The following ITGA9 variants were observed in gnomAD, a reference collection of about 807,000 sequenced individuals.
ITGA9 encodes integrin alpha-9.
In ITGA9, 56 loss-of-function variants were observed where a neutral mutation model predicts 127.8. The ratio of observed to expected loss-of-function variants is 0.44; its 90% CI spans 0.35 to 0.55. The LOEUF (loss-of-function observed/expected upper bound fraction) is 0.55, where lower values mean the gene tolerates loss of function less well. Among genes scored for constraint, ITGA9 ranks in the 20% least tolerant of loss-of-function variants. The probability of loss-of-function intolerance (pLI) is 0.00; values close to 1 mark genes in which losing one functional copy is unlikely to be tolerated. For synonymous variants in ITGA9, 508 were observed against 514.5 expected, an observed-to-expected ratio of 0.99 and a Z score of 0.17; for missense variants, 1,196 against 1,347.1, an observed-to-expected ratio of 0.89 and a Z score of 1.76.
intron 15 of ITGA9, chr3:37,585,495 CT>C: frequency 4.4e-6 from 2 of 451,076 alleles, no homozygotes; most frequent in South Asian, 3.1e-5. Flanking sequence ...TAAGGTTTTA[CT>C]TTTCTTCTTT....
intron 10 of ITGA9, among the ~76,000 whole-genome samples, chr3:37,517,834 C>T (rs958903321): frequency 1.3e-5 from 2 of 152,246 alleles, no homozygotes; most frequent in African/African-American, 4.8e-5. Context: ...AGTTTTGCCT[C>T]TGCATAATCC....
chr3:37,606,709 G>A (rs1042251694), intron 15 of ITGA9, among the ~76,000 whole-genome samples: 6 of 152,102 alleles, frequency 3.9e-5, no homozygotes, highest in African/African-American at 9.7e-5. Flanking sequence ...GATGTTGAAT[G>A]GGGGTCATTA....
At chr3:37,769,748 C>T (rs1049398658) in intron 23 of ITGA9, among the ~76,000 whole-genome samples, 1 of 152,204 alleles carries the variant, frequency 6.6e-6, no homozygotes, top group African/African-American at 2.4e-5. Flanking sequence ...TTGCGATCTA[C>T]CTGCAATGCC....
intron 18 of ITGA9, among the ~76,000 whole-genome samples, chr3:37,704,876 G>A (rs1306936486): frequency 6.6e-6 from 1 of 152,168 alleles, no homozygotes. Context: ...ATTTTCATGG[G>A]ATAAAAGCCC....
chr3:37,804,563 C>T (rs1436332955), intron 27 of ITGA9, among the ~76,000 whole-genome samples: 1 of 152,178 alleles, frequency 6.6e-6, no homozygotes, highest in East Asian at 1.9e-4. Flanking sequence ...GAGTCCTTTT[C>T]CTTCAGAGCC....
At chr3:37,713,724 C>T (rs1701103203) in intron 18 of ITGA9, among the ~76,000 whole-genome samples, 1 of 152,198 alleles carries the variant, frequency 6.6e-6, no homozygotes, top group African/African-American at 2.4e-5. Context: ...AAGGGAGCTG[C>T]TGGTGGGGAC....
At chr3:37,682,945 C>A (rs927577370) in intron 17 of ITGA9, among the ~76,000 whole-genome samples, 1 of 152,330 alleles carries the variant, frequency 6.6e-6, no homozygotes, top group South Asian at 2.1e-4. Flanking sequence ...CCCTGTTCCT[C>A]TCCTGGCCAC....
intron 18 of ITGA9, among the ~76,000 whole-genome samples, chr3:37,694,060 ATCCAGTGC>A (rs920727094): frequency 5.9e-5 from 9 of 152,186 alleles, no homozygotes; most frequent in Non-Finnish European, 8.8e-5. Flanking sequence ...CCTGTCTTTA[ATCCAGTGC>A]CCCAAGCCCC....
chr3:37,617,627 CAT>C (rs1300046450), intron 15 of ITGA9, among the ~76,000 whole-genome samples: 1 of 152,222 alleles, frequency 6.6e-6, no homozygotes, highest in Non-Finnish European at 1.5e-5. Context: ...GGTCTTTTCA[CAT>C]AGTCCCATAT....
At chr3:37,637,206 C>T (rs554403752) in intron 16 of ITGA9, among the ~76,000 whole-genome samples, 2 of 152,232 alleles carry the variant, frequency 1.3e-5, no homozygotes, top group East Asian at 3.9e-4. Context: ...GGCATTGAAT[C>T]TATAAATTAC....
rs76044409 is a variant in ITGA9 at position 37,454,657 on chromosome 3, A to G, written c.185+2098A>G. ...GCTGTTCAGGCACCAACTTAACTCT[A>G]CTGAAATCTTTTTAAAATAATGCTT... is the stretch of plus-strand genomic sequence containing the variant. On this transcript the variant is annotated intron_variant, in intron 1 of 27. Transcript: ENST00000264741. 5.7e-3 allele frequency among the ~76,000 whole-genome samples: 865 copies of G among 152,252 alleles called. 3 individuals carry two copies. The highest frequency in any genetic ancestry group is 0.01 in the Non-Finnish European group (687 of 68,022).
At chr3:37,481,386 C>A in intron 3 of ITGA9, 98 bp from the exon 4 acceptor site, 18 of 1,522,912 alleles carry the variant, frequency 1.2e-5, no homozygotes, top group Non-Finnish European at 1.6e-5. Flanking sequence ...CTGCTCCTCT[C>A]TTCTCCCACA....
At chr3:37,518,554 A>AAAT (rs1396880182) in intron 10 of ITGA9, among the ~76,000 whole-genome samples, 32 of 152,166 alleles carry the variant, frequency 2.1e-4, no homozygotes, top group African/African-American at 7.5e-4. Context: ...ATTTATTATC[A>AAAT]AATAATAATA....
intron 15 of ITGA9, among the ~76,000 whole-genome samples, chr3:37,607,036 G>A (rs562733291): frequency 6.1e-5 from 9 of 147,382 alleles, no homozygotes; most frequent in East Asian, 2.0e-4. Flanking sequence ...AGGCAGGGGT[G>A]CAATAGAGTG....
At chr3:37,653,316 G>C (rs1228694587) in intron 16 of ITGA9, among the ~76,000 whole-genome samples, 1 of 152,140 alleles carries the variant, frequency 6.6e-6, no homozygotes, top group East Asian at 1.9e-4. Context: ...CAAATAGGGG[G>C]AAATGACCAA....
intron 23 of ITGA9, among the ~76,000 whole-genome samples, chr3:37,760,645 C>T (rs537950217): frequency 6.6e-6 from 1 of 152,152 alleles, no homozygotes; most frequent in African/African-American, 2.4e-5. Flanking sequence ...TTAGAGAAAG[C>T]CTGTACCTCA....
At chr3:37,660,741 G>A (rs1700525795) in intron 17 of ITGA9, among the ~76,000 whole-genome samples, 1 of 152,194 alleles carries the variant, frequency 6.6e-6, no homozygotes, top group East Asian at 1.9e-4. Context: ...TGATTCCCAT[G>A]GATTTTCAGG....
At position 37,800,800 on chromosome 3, in the gene ITGA9, G is replaced by C. The variant is rs139524748; in HGVS notation, c.2890-3023G>C. Among the ~76,000 whole-genome samples, 74 of 152,306 alleles carry C rather than the reference G, an allele frequency of 4.9e-4. 1 individual carries two copies. The East Asian group carries it at 0.013, about 27-fold the overall frequency. On this transcript the variant is annotated intron_variant, in intron 26 of 27. Transcript: ENST00000264741. ...AAATAAACAGTGGTATGTCCACACA[G>C]AGGAATACTGTACAGCAGTGAGAGT...
chr3:37,478,286 A>G (rs1277777404), intron 3 of ITGA9, among the ~76,000 whole-genome samples: 4 of 152,174 alleles, frequency 2.6e-5, no homozygotes, highest in Non-Finnish European at 4.4e-5. Flanking sequence ...GGCCATCTCT[A>G]TGGCAGGTGC....
Sources: allele counts gnomAD v4.1 joint callset (sites outside exome capture counted in the v4.1 genomes callset), GRCh38; gene constraint gnomAD v4.1.1; transcripts MANE v1.5; gene names NCBI Gene and HGNC (gene_info 2026-07-23, HGNC 2026-07-21).